Variants in CGN observed in about 807,000 individuals in gnomAD.
CGN encodes the protein cingulin.
A neutral mutation model predicts 157.1 loss-of-function variants in CGN; 121 were observed. That is an observed-to-expected ratio of 0.77 (90% CI 0.66 to 0.90). The LOEUF (loss-of-function observed/expected upper bound fraction) is 0.90, where lower values mean the gene tolerates loss of function less well. CGN is among the 40% of genes least tolerant of loss of function. The pLI, the probability that CGN is intolerant of heterozygous loss-of-function variation, is 0.00. For missense variants in CGN, 1,424 were observed against 1,520.9 expected (o/e 0.94, Z 1.06); for synonymous variants, 535 against 607.5 (o/e 0.88, Z 1.76).
chr1:151,518,837 T>G lies in CGN; in HGVS notation c.318T>G (p.Ser106=). 6.2e-7 allele frequency: 1 copy of G among 1,613,966 alleles called. No homozygotes were observed. Residue 106 remains serine (S), a synonymous_variant, in exon 2 of 21, where the codon TCT becomes TCG. Transcript: ENST00000271636. Reference sequence around the variant, plus strand: ...TGGAACTCCCTGAGAACCCCTACTCTCAGGTCAAGGGATTTCCTGCCCCCT... The same window carrying G: ...TGGAACTCCCTGAGAACCCCTACTCGCAGGTCAAGGGATTTCCTGCCCCCT... ...SDLELPENPY[S]QVKGFPAPSQ...
intron 16 of CGN, 111 bp downstream of exon 16, chr1:151,535,242 C>A: frequency 1.2e-6 from 1 of 839,136 alleles, no homozygotes; most frequent in Non-Finnish European, 1.9e-6. Context: ...CGAATCTGTG[C>A]GTGGCTGGGT....
At chr1:151,535,482 G>C (rs1191643560) in intron 16 of CGN, 118 bp from the exon 17 acceptor site, 1 of 813,182 alleles carries the variant, frequency 1.2e-6, no homozygotes, top group Non-Finnish European at 2.1e-6. Context: ...TAGTTGCCTG[G>C]GAATTTTTGG....
At chr1:151,532,175 C>T (rs994621081) in intron 13 of CGN, among the ~76,000 whole-genome samples, 2 of 151,738 alleles carry the variant, frequency 1.3e-5, no homozygotes, top group Non-Finnish European at 2.9e-5. Context: ...GGACTGAGAC[C>T]CAGAGAGATA....
In CGN at chr1:151,523,304, C is replaced by T. The variant is rs569122680; in HGVS notation, c.1141-130C>T. The T allele has an allele frequency of 1.0e-4, 75 of 744,748 alleles. No homozygotes were observed. In the Middle Eastern group the frequency reaches 2.3e-3, roughly 23 times the overall value. 46.1% of individuals were successfully genotyped at this position (744,748 alleles called of 1,614,324 possible). Reference sequence around the variant, plus strand: ...ATGAGGATTAGATGTGGATAATACACATAAGGTCCTAAGTATAGTGTCTAT... The same window carrying T: ...ATGAGGATTAGATGTGGATAATACATATAAGGTCCTAAGTATAGTGTCTAT... On this transcript the variant is annotated intron_variant, in intron 5 of 20. Coordinates refer to ENST00000271636, the MANE Select transcript of CGN (RefSeq NM_020770.3).
At chr1:151,534,916 C>G in intron 15 of CGN, 126 bp from the exon 16 acceptor site, 1 of 694,080 alleles carries the variant, frequency 1.4e-6, no homozygotes. Context: ...AGGCAAGTAC[C>G]AAAAGGTTAC....
intron 1 of CGN, among the ~76,000 whole-genome samples, chr1:151,515,010 A>G (rs375738495): frequency 6.6e-6 from 1 of 151,508 alleles, no homozygotes; most frequent in East Asian, 1.9e-4. Flanking sequence ...AATAAAGTAC[A>G]AACATCTTTT....
rs774301238 is a variant in CGN, at chr1:151,524,779, G to A, written c.1507G>A (p.Ala503Thr). Residue 503 changes from alanine (A) to threonine (T), a missense_variant, in exon 8 of 21, where the codon GCC becomes ACC. Ala to Thr is a moderately conservative substitution (Grantham distance 58). Coordinates refer to ENST00000271636, the MANE Select transcript of CGN (RefSeq NM_020770.3). This position sits in a 1 kb window ranked among gnomAD's most constrained non-coding sequence, Gnocchi z 4.4. ...RERELTALKGALKEEVASRDQ... is the reference protein window; with the variant it reads ...RERELTALKGTLKEEVASRDQ... ...GCGGGAGTTGACAGCCCTGAAGGGG[G>A]CCCTGAAAGAGGAGGTAGCCTCCCG... is the stretch of plus-strand genomic sequence containing the variant. The A allele has an allele frequency of 6.2e-6, 10 of 1,612,742 alleles. No individual in the cohort carries two copies. The Admixed American group carries it at 1.5e-4, about 24-fold the overall frequency.
rs975245083 is a variant in CGN, at chr1:151,533,454, C to T, written c.2743-521C>T. 4.5e-4 allele frequency among the ~76,000 whole-genome samples: 68 copies of T among 150,052 alleles called. 1 individual carries two copies. Among genetic ancestry groups the T allele is most frequent in the African/African-American group, 1.5e-3 (60 of 40,668 alleles). On this transcript the variant is annotated intron_variant, in intron 14 of 20. Coordinates refer to ENST00000271636, the MANE Select transcript of CGN (RefSeq NM_020770.3). ...TTGTGCCACTGCATTCCAGCCTGGG[C>T]GACAGAGCAAGACTCCATCTCAAAA...
In CGN at chr1:151,532,539, G is replaced by A. The variant is rs751861603; in HGVS notation, c.2709G>A (p.Lys903=). 59 of 1,582,298 alleles carry A rather than the reference G, an allele frequency of 3.7e-5. No individual in the cohort carries two copies. The highest frequency in any genetic ancestry group is 5.0e-5 in the Non-Finnish European group (58 of 1,166,246). ...QAKDWASEAE[K]TSGGLSRLQD... Reference sequence around the variant, plus strand: ...AGGATTGGGCCAGTGAGGCTGAGAAGACCTCTGGAGGACTGAGCCGACTTC... The same window carrying A: ...AGGATTGGGCCAGTGAGGCTGAGAAAACCTCTGGAGGACTGAGCCGACTTC... The change falls in exon 14 of 21, where the codon AAG becomes AAA. Residue 903 remains lysine, a synonymous_variant. Coordinates refer to ENST00000271636, the MANE Select transcript of CGN (RefSeq NM_020770.3).
chr1:151,532,314 G>GGA, intron 13 of CGN, 88 bp from the exon 14 acceptor site: 1 of 1,017,718 alleles, frequency 9.8e-7, no homozygotes, highest in South Asian at 2.9e-5. Context: ...TTGTCAGGAA[G>GGA]GAGACCCTTA....
chr1:151,515,777 T>C (rs886109966), intron 1 of CGN, among the ~76,000 whole-genome samples: 4 of 152,004 alleles, frequency 2.6e-5, no homozygotes, highest in African/African-American at 9.7e-5. Flanking sequence ...ACCAGAAAAG[T>C]TGTGATTTGC....
At chr1:151,518,381 C>T (rs1037533970) in intron 1 of CGN, 125 bp from the exon 2 acceptor site, 4 of 761,574 alleles carry the variant, frequency 5.3e-6, no homozygotes, top group Non-Finnish European at 8.4e-6. Context: ...TCTCCAGGGG[C>T]CTTCTGTTAG....
rs1248231368 is a variant in CGN, at chr1:151,534,039, AAG to A, written c.2810_2811del (p.Glu937AlafsTer43). On this transcript the variant is annotated frameshift_variant, in exon 15 of 21. Transcript: ENST00000271636. LOFTEE classifies it high-confidence loss of function. ...GAGCGGGACACAGCCCGGCTGGACA[AAG>A]AGCTACTGGCCCAGCGACTGCAGGG... 6.2e-7 allele frequency: 1 copy of A among 1,613,688 alleles called. No homozygotes were observed. The highest frequency in any genetic ancestry group is 1.3e-5 in the African/African-American group (1 of 74,928).
At chr1:151,534,959 C>A in intron 15 of CGN, 83 bp from the exon 16 acceptor site, 1 of 947,036 alleles carries the variant, frequency 1.1e-6, no homozygotes, top group Non-Finnish European at 1.7e-6. Flanking sequence ...TCTGTTAATG[C>A]TGGAGTTTGA....
chr1:151,518,894 G>T lies in CGN; in HGVS notation c.375G>T (p.Gly125=). Residue 125 remains glycine (G), a synonymous_variant, in exon 2 of 21, where the codon GGG becomes GGT. Coordinates refer to ENST00000271636, the MANE Select transcript of CGN (RefSeq NM_020770.3). ...SQSSTSDEEP[G]AYWNGKLLRS... ...GCAGCACATCTGATGAGGAGCCTGG[G>T]GCCTACTGGAATGGAAAGCTACTCC... 1 of 1,614,032 alleles carries T rather than the reference G, an allele frequency of 6.2e-7. No individual in the cohort carries two copies. Among genetic ancestry groups the T allele is most frequent in the Non-Finnish European group, 8.5e-7 (1 of 1,179,962 alleles).
Position 151,530,701 on chromosome 1 carries a change from G to C in CGN, c.2526G>C (p.Glu842Asp), listed in dbSNP as rs762656948. 1.9e-6 allele frequency: 3 copies of C among 1,555,940 alleles called. No homozygotes were observed. The highest frequency in any genetic ancestry group is 2.6e-6 in the Non-Finnish European group (3 of 1,149,076). The change falls in exon 13 of 21, where the codon GAG (glutamate) becomes GAC (aspartate). Residue 842 changes from glutamate to aspartate, a missense_variant. Glu to Asp is a conservative substitution (Grantham distance 45). Transcript: ENST00000271636. ...VLRRGKAELEEQKRLLDRTVD... is the reference protein window; with the variant it reads ...VLRRGKAELEDQKRLLDRTVD... The stretch of plus-strand genomic sequence containing the variant: ...GGCGAGGCAAGGCTGAGCTGGAGGA[G>C]CAGAAGCGTTTGCTGGACAGGACTG...
At chr1:151,532,621 T>TC in intron 14 of CGN, 49 bp downstream of exon 14, 1 of 1,323,346 alleles carries the variant, frequency 7.6e-7, no homozygotes, top group East Asian at 3.0e-5. Context: ...TCTTTTTTTT[T>TC]TTTTTTTTTT....
chr1:151,537,409 T>TCTGCC lies in CGN; in HGVS notation c.*65_*69dup. On this transcript the variant is annotated 3_prime_UTR_variant, in exon 21 of 21. Coordinates refer to ENST00000271636, the MANE Select transcript of CGN (RefSeq NM_020770.3). ...CCTATCCCAGCAAGTGCTGCTCTGC[T>TCTGCC]CTGCCCACCCTGGGTTCTGCATTCC... is the stretch of plus-strand genomic sequence containing the variant. 1 of 1,495,318 alleles carries TCTGCC rather than the reference T, an allele frequency of 6.7e-7. No homozygotes were observed. The highest frequency in any genetic ancestry group is 9.1e-7 in the Non-Finnish European group (1 of 1,093,882). 92.6% of individuals were successfully genotyped at this position (1,495,318 alleles called of 1,614,324 possible). A position where few individuals can be genotyped will look rare whatever the true frequency, so the allele number is the denominator to read the frequency against.
rs1037402459 is a variant in CGN at position 151,538,588 on chromosome 1, A to T, written c.*1242A>T. 1.3e-5 allele frequency: 2 copies of T among 152,218 alleles called. No homozygotes were observed. The highest frequency in any genetic ancestry group is 6.5e-5 in the Admixed American group (1 of 15,290). 9.4% of individuals were successfully genotyped at this position (152,218 alleles called of 1,614,324 possible). A position where few individuals can be genotyped will look rare whatever the true frequency, so the allele number is the denominator to read the frequency against. On this transcript the variant is annotated 3_prime_UTR_variant, in exon 21 of 21. Coordinates refer to ENST00000271636, the MANE Select transcript of CGN (RefSeq NM_020770.3). ...ACAAATGACTTGTAATGTCGTGATT[A>T]AAAAAATTCCTATATTCTTCTGCAA...
Sources: allele counts gnomAD v4.1 joint callset (sites outside exome capture counted in the v4.1 genomes callset), GRCh38; gene constraint gnomAD v4.1.1; non-coding constraint Gnocchi (gnomAD v3.1); transcripts MANE v1.5; gene names NCBI Gene and HGNC (gene_info 2026-07-23, HGNC 2026-07-21).